The following CCDC85C variants were observed in gnomAD, a reference collection of about 807,000 sequenced individuals.
CCDC85C encodes the protein coiled-coil domain containing 85C.
Under a neutral mutation model 38.3 loss-of-function variants are expected in CCDC85C, and 18 were observed. That is an observed-to-expected ratio of 0.47 (90% CI 0.33 to 0.70). The LOEUF is 0.70. Among genes scored for constraint, CCDC85C ranks in the 30% least tolerant of loss-of-function variants. The pLI is 0.03. For missense variants in CCDC85C, 566 were observed against 621.2 expected (o/e 0.91, Z 0.94); for synonymous variants, 264 against 293.8 (o/e 0.90, Z 1.04).
Position 99,548,753 on chromosome 14 carries a change from T to C in CCDC85C, c.794-12665A>G, listed in dbSNP as rs541448016. ...GGAGGCGTGCTGGAGCTCAGGAGTG[T>C]GAGTCCAGCCCGGGCAATCTAAAAA... On this transcript the variant is annotated intron_variant, in intron 1 of 5. Coordinates refer to ENST00000380243, the MANE Select transcript of CCDC85C (RefSeq NM_001144995.2). This position sits in a 1 kb window ranked among gnomAD's most constrained non-coding sequence, Gnocchi z 4.9. 6.6e-6 allele frequency among the ~76,000 whole-genome samples: 1 copy of C among 152,054 alleles called. No homozygotes were observed. The highest frequency in any genetic ancestry group is 2.4e-5 in the African/African-American group (1 of 41,456).
intron 1 of CCDC85C, among the ~76,000 whole-genome samples, chr14:99,559,772 A>C (rs1898081621): frequency 6.6e-6 from 1 of 152,138 alleles, no homozygotes; most frequent in Non-Finnish European, 1.5e-5. Flanking sequence ...CTGCAGACTA[A>C]GAGGAAAAAT....
chr14:99,550,838 G>A (rs1302183174), intron 1 of CCDC85C, among the ~76,000 whole-genome samples: 2 of 152,166 alleles, frequency 1.3e-5, no homozygotes, highest in Non-Finnish European at 2.9e-5. Flanking sequence ...GCTGACCATG[G>A]GGACAGCGGT....
intron 1 of CCDC85C, among the ~76,000 whole-genome samples, chr14:99,554,499 G>A (rs559656622): frequency 2.0e-5 from 3 of 152,360 alleles, no homozygotes; most frequent in South Asian, 4.1e-4. Flanking sequence ...GGCGGGCAGG[G>A]GGTAAGCGCA....
In CCDC85C at chr14:99,603,117, A is replaced by T; in HGVS notation, c.793+50T>A. 7.8e-7 allele frequency: 1 copy of T among 1,282,756 alleles called. No individual in the cohort carries two copies. Among genetic ancestry groups the T allele is most frequent in the Non-Finnish European group, 9.9e-7 (1 of 1,014,096 alleles). The allele number at this position is 1,282,756 out of a possible 1,614,324, so 79.5% of individuals were successfully genotyped here. A position where few individuals can be genotyped will look rare whatever the true frequency, so the allele number is the denominator to read the frequency against. On this transcript the variant is annotated intron_variant, in intron 1 of 5. Transcript: ENST00000380243. The surrounding 1 kb of genome is among the most constrained non-coding windows in gnomAD (Gnocchi z 7.5). Reference sequence around the variant, plus strand: ...ACCTCCTCTCGCCGCAGCCTGGGAAAAGGGCTGCAGCCAGGGAGACCCGCG... The same window carrying T: ...ACCTCCTCTCGCCGCAGCCTGGGAATAGGGCTGCAGCCAGGGAGACCCGCG...
chr14:99,517,247 T>C (rs1897241558), intron 3 of CCDC85C, 64 bp from the exon 4 acceptor site: 5 of 1,293,138 alleles, frequency 3.9e-6, no homozygotes, highest in Non-Finnish European at 5.3e-6. Flanking sequence ...GACCGGTGGC[T>C]CAGACAAGGC....
intron 1 of CCDC85C, among the ~76,000 whole-genome samples, chr14:99,554,016 G>A (rs2139941054): frequency 6.6e-6 from 1 of 152,320 alleles, no homozygotes; most frequent in African/African-American, 2.4e-5. Context: ...ACAGGACTGT[G>A]TCTTGCTCTC....
At chr14:99,581,680 C>T (rs1330186509) in intron 1 of CCDC85C, among the ~76,000 whole-genome samples, 3 of 152,190 alleles carry the variant, frequency 2.0e-5, no homozygotes, top group Non-Finnish European at 4.4e-5. Flanking sequence ...TCAATGGGCT[C>T]GCAGGGAAAC....
At position 99,515,343 on chromosome 14, in the gene CCDC85C, G is replaced by A; in HGVS notation, c.1171-8C>T. The A allele has an allele frequency of 6.5e-7, 1 of 1,548,534 alleles. No individual in the cohort carries two copies. The highest frequency in any genetic ancestry group is 8.7e-7 in the Non-Finnish European group (1 of 1,145,118). On this transcript the variant is annotated splice_polypyrimidine_tract_variant and splice_region_variant and intron_variant, in intron 5 of 5. Transcript: ENST00000380243. ...CAGCTTTCTCCAGACCACCTGTGGA[G>A]AGGAGAGAGATGTGAGTGGTGGGAC...
chr14:99,524,684 T>A (rs75891784), intron 2 of CCDC85C, among the ~76,000 whole-genome samples: 9,211 of 152,308 alleles, frequency 0.06, 598 homozygotes, highest in African/African-American at 0.16. Flanking sequence ...AATCCTGCTA[T>A]GAGACAGGTC....
chr14:99,583,016 A>G (rs932586075), intron 1 of CCDC85C: 1 of 152,198 alleles, frequency 6.6e-6, no homozygotes, highest in African/African-American at 2.4e-5. Context: ...AATCTGCCCT[A>G]GGCTGGTCTG....
At chr14:99,538,579 C>T (rs1301176381) in intron 1 of CCDC85C, among the ~76,000 whole-genome samples, 1 of 152,212 alleles carries the variant, frequency 6.6e-6, no homozygotes, top group South Asian at 2.1e-4. Context: ...GAGGTGGGTG[C>T]ACTTTCAGCC....
At chr14:99,553,159 C>A (rs984519068) in intron 1 of CCDC85C, among the ~76,000 whole-genome samples, 3 of 152,184 alleles carry the variant, frequency 2.0e-5, no homozygotes, top group Non-Finnish European at 4.4e-5. Flanking sequence ...ATGTTCTCAT[C>A]TGTAAATGGG....
chr14:99,540,720 T>C (rs1238685273), intron 1 of CCDC85C, among the ~76,000 whole-genome samples: 1 of 151,902 alleles, frequency 6.6e-6, no homozygotes, highest in Non-Finnish European at 1.5e-5. Flanking sequence ...GGGAGGAGGG[T>C]GTCTCCCTAC....
chr14:99,515,152 AGGGGCT>A lies in CCDC85C; in HGVS notation c.*88_*93del. ...ACAGTTCACCACAGAGGAAGAAGACAGGGGCTGGGCTGGAGGTCCTGCCCGTGTCTG... is the reference window on the plus strand; with the variant it reads ...ACAGTTCACCACAGAGGAAGAAGACAGGGCTGGAGGTCCTGCCCGTGTCTG... On this transcript the variant is annotated 3_prime_UTR_variant, in exon 6 of 6. Coordinates refer to ENST00000380243, the MANE Select transcript of CCDC85C (RefSeq NM_001144995.2). The A allele has an allele frequency of 8.1e-6, 7 of 864,778 alleles. No homozygotes were observed. The highest frequency in any genetic ancestry group is 1.3e-5 in the Non-Finnish European group (7 of 552,424). The allele number at this position is 864,778 out of a possible 1,614,324, so 53.6% of individuals were successfully genotyped here. A position where few individuals can be genotyped will look rare whatever the true frequency, so the allele number is the denominator to read the frequency against.
chr14:99,570,628 T>C (rs1015930796), intron 1 of CCDC85C, among the ~76,000 whole-genome samples: 41 of 152,010 alleles, frequency 2.7e-4, no homozygotes, highest in African/African-American at 9.9e-4. Context: ...GCAGGAGACA[T>C]AAAATGCATT....
At chr14:99,587,350 C>G (rs1364912658) in intron 1 of CCDC85C, among the ~76,000 whole-genome samples, 1 of 152,168 alleles carries the variant, frequency 6.6e-6, no homozygotes, top group African/African-American at 2.4e-5. Flanking sequence ...GCCTCATGAC[C>G]AAAAAATAGC....
chr14:99,536,784 G>A (rs890951162), intron 1 of CCDC85C, among the ~76,000 whole-genome samples: 5 of 152,134 alleles, frequency 3.3e-5, no homozygotes, highest in Non-Finnish European at 4.4e-5. Context: ...ACTGGTGCAG[G>A]GTGAAATTCA....
chr14:99,547,545 G>A (rs544252295), intron 1 of CCDC85C, among the ~76,000 whole-genome samples: 5 of 152,186 alleles, frequency 3.3e-5, no homozygotes, highest in East Asian at 3.9e-4. Context: ...AGGCTGAGGC[G>A]GGCAGATCAC....
chr14:99,558,000 A>G (rs966408822), intron 1 of CCDC85C, among the ~76,000 whole-genome samples: 8 of 152,248 alleles, frequency 5.3e-5, no homozygotes, highest in Non-Finnish European at 5.9e-5. Flanking sequence ...GAAAGGATGA[A>G]ATATCACAGA....
Sources: allele counts gnomAD v4.1 joint callset (sites outside exome capture counted in the v4.1 genomes callset), GRCh38; gene constraint gnomAD v4.1.1; non-coding constraint Gnocchi (gnomAD v3.1); transcripts MANE v1.5; gene names NCBI Gene and HGNC (gene_info 2026-07-23, HGNC 2026-07-21).